The following SLC24A2 variants were observed in gnomAD, a reference collection of about 807,000 sequenced individuals.
The protein encoded by SLC24A2 is solute carrier family 24 member 2, also known as sodium/potassium/calcium exchanger 2.
In SLC24A2, 36 loss-of-function variants were observed where a neutral mutation model predicts 62.0. The ratio of observed to expected loss-of-function variants is 0.58; its 90% CI spans 0.44 to 0.77. SLC24A2 has a LOEUF of 0.77. Among genes scored for constraint, SLC24A2 ranks in the 30% least tolerant of loss-of-function variants. The probability of loss-of-function intolerance (pLI) is 0.00; values close to 1 mark genes in which losing one functional copy is unlikely to be tolerated. For synonymous variants in SLC24A2, 358 were observed against 294.0 expected (o/e 1.22, Z -2.23); for missense variants, 846 against 817.9 (o/e 1.03, Z -0.42).
the SLC24A2 span, among the ~76,000 whole-genome samples, chr9:20,170,171 G>C: frequency 6.6e-6 from 1 of 151,076 alleles, no homozygotes; most frequent in Non-Finnish European, 1.5e-5. Context: ...CATGAACAAA[G>C]CCTCCAAGAA....
chr9:19,969,745 T>C, the SLC24A2 span, among the ~76,000 whole-genome samples: 2 of 152,154 alleles, frequency 1.3e-5, no homozygotes, highest in Admixed American at 6.5e-5. Context: ...ACATAATTAC[T>C]TCAAATATTA....
In SLC24A2 at chr9:19,597,221, A is replaced by C. The variant is rs966483893; in HGVS notation, c.1129+8T>G. On this transcript the variant is annotated splice_region_variant and intron_variant, in intron 5 of 10. Transcript: ENST00000341998. ...AGCCAATGCATACAATTCTAAAATC[A>C]TTCTTACCTTCTTCAGTCATTGTGT... 1.3e-6 allele frequency: 2 copies of C among 1,563,668 alleles called. No homozygotes were observed. Among genetic ancestry groups the C allele is most frequent in the Non-Finnish European group, 1.8e-6 (2 of 1,134,312 alleles).
At chr9:19,851,499 C>T in the SLC24A2 span, among the ~76,000 whole-genome samples, 1 of 152,118 alleles carries the variant, frequency 6.6e-6, no homozygotes, top group African/African-American at 2.4e-5. Flanking sequence ...TGCTGACAGG[C>T]CCCAGTGTGT....
chr9:20,055,974 A>G, the SLC24A2 span, among the ~76,000 whole-genome samples: 6 of 152,232 alleles, frequency 3.9e-5, no homozygotes, highest in Non-Finnish European at 8.8e-5. Context: ...CAGCTATGCT[A>G]TGGTAGAAAT....
chr9:19,618,727 G>C (rs919917760), intron 4 of SLC24A2, among the ~76,000 whole-genome samples: 1 of 152,136 alleles, frequency 6.6e-6, no homozygotes, highest in Non-Finnish European at 1.5e-5. Flanking sequence ...TCAGTGGCAC[G>C]TATCTATTTC....
At chr9:19,928,373 G>C in the SLC24A2 span, 1 of 152,260 alleles carries the variant, frequency 6.6e-6, no homozygotes, top group Non-Finnish European at 1.5e-5. Context: ...TAAAAAGGTG[G>C]AAGGAGAGGT....
the SLC24A2 span, among the ~76,000 whole-genome samples, chr9:20,263,209 C>T: frequency 1.3e-5 from 2 of 152,114 alleles, no homozygotes; most frequent in South Asian, 2.1e-4. Flanking sequence ...TAAAATTAAC[C>T]AAGACCTGGA....
At chr9:20,148,890 C>T in the SLC24A2 span, among the ~76,000 whole-genome samples, 200 of 152,110 alleles carry the variant, frequency 1.3e-3, no homozygotes, top group African/African-American at 4.5e-3. Context: ...GCTTATGAAA[C>T]GTCTAAGGAG....
At chr9:19,954,500 T>C in the SLC24A2 span, among the ~76,000 whole-genome samples, 245 of 152,154 alleles carry the variant, frequency 1.6e-3, no homozygotes, top group African/African-American at 5.1e-3. Context: ...CAGGGAGGCA[T>C]GTTTCCCCAG....
chr9:19,552,121 G>A (rs569957642), intron 7 of SLC24A2, among the ~76,000 whole-genome samples: 1 of 152,248 alleles, frequency 6.6e-6, no homozygotes, highest in African/African-American at 2.4e-5. Flanking sequence ...TTCTTTCTAT[G>A]CAATTCACAT....
At chr9:20,180,006 T>C in the SLC24A2 span, among the ~76,000 whole-genome samples, 1 of 152,182 alleles carries the variant, frequency 6.6e-6, no homozygotes, top group Non-Finnish European at 1.5e-5. Flanking sequence ...CAGTCACCCA[T>C]TGTGCTCCAG....
the SLC24A2 span, among the ~76,000 whole-genome samples, chr9:20,084,361 C>A: frequency 6.6e-6 from 1 of 152,178 alleles, no homozygotes; most frequent in Non-Finnish European, 1.5e-5. Context: ...GGTTCAACGA[C>A]CTGATGTCAG....
At chr9:19,874,996 C>CAAAAAAAAA in the SLC24A2 span, among the ~76,000 whole-genome samples, 6 of 96,690 alleles carry the variant, frequency 6.2e-5, no homozygotes, top group Non-Finnish European at 1.2e-4. Flanking sequence ...TCCAGAATTA[C>CAAAAAAAAA]AAAAAAAAAA....
chr9:20,088,186 G>A, the SLC24A2 span, among the ~76,000 whole-genome samples: 2 of 152,258 alleles, frequency 1.3e-5, no homozygotes, highest in African/African-American at 2.4e-5. Flanking sequence ...TCCAGGGGCT[G>A]AGCAGCCACA....
the SLC24A2 span, among the ~76,000 whole-genome samples, chr9:19,986,900 T>G: frequency 6.6e-6 from 1 of 152,108 alleles, no homozygotes; most frequent in Admixed American, 6.6e-5. Context: ...CTAAATGCCA[T>G]TGAAATGTTC....
At chr9:20,111,574 T>A in the SLC24A2 span, among the ~76,000 whole-genome samples, 6 of 152,198 alleles carry the variant, frequency 3.9e-5, no homozygotes, top group African/African-American at 1.4e-4. Context: ...TTTCTTCTCA[T>A]GGAGCAGCAG....
At chr9:20,064,670 T>A in the SLC24A2 span, among the ~76,000 whole-genome samples, 2 of 152,224 alleles carry the variant, frequency 1.3e-5, no homozygotes, top group Non-Finnish European at 2.9e-5. Context: ...GATTTGATAA[T>A]TGTCCTTTAC....
the SLC24A2 span, among the ~76,000 whole-genome samples, chr9:20,232,392 G>A: frequency 2.6e-5 from 4 of 152,206 alleles, no homozygotes; most frequent in South Asian, 4.1e-4. Flanking sequence ...GTAAGCTATT[G>A]ATTATTGCCT....
At chr9:20,185,664 CA>C in the SLC24A2 span, among the ~76,000 whole-genome samples, 834 of 90,722 alleles carry the variant, frequency 9.2e-3, 3 homozygotes, top group Admixed American at 0.015. Flanking sequence ...GACTCCATCT[CA>C]AAAAAAAAAA....
Sources: allele counts gnomAD v4.1 joint callset (sites outside exome capture counted in the v4.1 genomes callset), GRCh38; gene constraint gnomAD v4.1.1; transcripts MANE v1.5; gene names NCBI Gene and HGNC (gene_info 2026-07-23, HGNC 2026-07-21).